Variants in CLSTN2 observed in about 807,000 individuals in gnomAD.
The protein encoded by CLSTN2 is calsyntenin-2.
A neutral mutation model predicts 101.2 loss-of-function variants in CLSTN2; 48 were observed. The observed-to-expected ratio is 0.47, with a 90% CI of 0.38 to 0.60. The LOEUF (loss-of-function observed/expected upper bound fraction) is 0.60, where lower values mean the gene tolerates loss of function less well. CLSTN2 is among the 20% of genes least tolerant of loss of function. CLSTN2 has a pLI of 0.00. For missense variants in CLSTN2, 1,160 were observed against 1,238.2 expected (o/e 0.94, Z 0.95); for synonymous variants, 481 against 463.6 (o/e 1.04, Z -0.48).
intron 1 of CLSTN2, among the ~76,000 whole-genome samples, chr3:140,060,668 G>A (rs946089022): frequency 2.0e-5 from 3 of 152,184 alleles, no homozygotes; most frequent in African/African-American, 7.2e-5. Flanking sequence ...GCCCTGTAAT[G>A]TCTGGGCCCA....
chr3:140,449,467 T>C lies in CLSTN2; in HGVS notation c.973+763T>C, dbSNP rs191142290. ...ACAAGTGAGGGTGAGGGGCTTAAGA[T>C]ACAGGATTTCTCTAATGAAGGAGGT... On this transcript the variant is annotated intron_variant, in intron 6 of 16. Transcript: ENST00000458420. 6.6e-5 allele frequency: 10 copies of C among 152,246 alleles called. No individual in the cohort carries two copies. In the East Asian group the frequency reaches 1.7e-3, roughly 26 times the overall value. 9.4% of individuals were successfully genotyped at this position (152,246 alleles called of 1,614,324 possible).
At chr3:140,378,578 C>T (rs1403656992) in intron 2 of CLSTN2, among the ~76,000 whole-genome samples, 1 of 152,202 alleles carries the variant, frequency 6.6e-6, no homozygotes. Flanking sequence ...GGACCCGAGA[C>T]CTAGGCTTAC....
rs373342181 is a variant in CLSTN2, at chr3:140,146,967, C to G, written c.110-28984C>G. ...GTTTCAAACACTGGATATACAGAGACAATACAACCAGCTGGCACCATGAAA... is the reference window on the plus strand; with the variant it reads ...GTTTCAAACACTGGATATACAGAGAGAATACAACCAGCTGGCACCATGAAA... On this transcript the variant is annotated intron_variant, in intron 1 of 16. Coordinates refer to ENST00000458420, the MANE Select transcript of CLSTN2 (RefSeq NM_022131.3). 5.3e-5 allele frequency among the ~76,000 whole-genome samples: 8 copies of G among 152,266 alleles called. No homozygotes were observed. In the East Asian group the frequency reaches 1.5e-3, roughly 29 times the overall value.
intron 2 of CLSTN2, among the ~76,000 whole-genome samples, chr3:140,213,192 C>T (rs1315447371): frequency 5.9e-5 from 9 of 152,144 alleles, no homozygotes; most frequent in African/African-American, 1.9e-4. Context: ...CACCTTCAGT[C>T]CCAGGATCCT....
chr3:140,086,991 C>CT (rs11435126), intron 1 of CLSTN2, among the ~76,000 whole-genome samples: 23,074 of 152,174 alleles, frequency 0.15, 2,106 homozygotes, highest in East Asian at 0.32. Context: ...ACTTAAATAT[C>CT]TGCCTGAGAT....
intron 2 of CLSTN2, among the ~76,000 whole-genome samples, chr3:140,311,874 A>AATCACC (rs1344075391): frequency 1.1e-4 from 17 of 152,110 alleles, no homozygotes; most frequent in Admixed American, 9.8e-4. Flanking sequence ...TTTGCTAATG[A>AATCACC]ATCACCCAGG....
intron 9 of CLSTN2, among the ~76,000 whole-genome samples, chr3:140,544,535 C>T (rs566297716): frequency 6.6e-6 from 1 of 152,280 alleles, no homozygotes; most frequent in Non-Finnish European, 1.5e-5. Context: ...TGTGACCCAG[C>T]ACCAGGAATC....
intron 1 of CLSTN2, among the ~76,000 whole-genome samples, chr3:140,043,907 A>G (rs565524413): frequency 2.2e-4 from 33 of 152,334 alleles, no homozygotes; most frequent in South Asian, 4.1e-4. Context: ...TACCAGTACC[A>G]TGCTGTTTTG....
chr3:140,257,536 T>G (rs370208431), intron 2 of CLSTN2, among the ~76,000 whole-genome samples: 1 of 150,678 alleles, frequency 6.6e-6, no homozygotes, highest in East Asian at 1.9e-4. Context: ...GCACTGTTAG[T>G]ATTCCCTGCC....
At chr3:140,254,684 T>G (rs924139136) in intron 2 of CLSTN2, among the ~76,000 whole-genome samples, 1 of 152,120 alleles carries the variant, frequency 6.6e-6, no homozygotes, top group Non-Finnish European at 1.5e-5. Flanking sequence ...CAACTCAAAA[T>G]GGATTAAAGA....
At chr3:140,251,158 C>T (rs1299989673) in intron 2 of CLSTN2, among the ~76,000 whole-genome samples, 1 of 152,106 alleles carries the variant, frequency 6.6e-6, no homozygotes, top group Admixed American at 6.6e-5. Flanking sequence ...TCCTTGTAGA[C>T]ATCTCTATTT....
At chr3:140,184,118 A>G (rs1005359982) in intron 2 of CLSTN2, among the ~76,000 whole-genome samples, 1 of 152,122 alleles carries the variant, frequency 6.6e-6, no homozygotes, top group East Asian at 1.9e-4. Flanking sequence ...GCTGTTCTGT[A>G]TGGTGACTTT....
intron 1 of CLSTN2, among the ~76,000 whole-genome samples, chr3:140,138,072 T>G (rs2009641815): frequency 6.6e-6 from 1 of 152,128 alleles, no homozygotes; most frequent in Admixed American, 6.6e-5. Context: ...GTAAGGAGTC[T>G]CCTTTCCCTA....
At chr3:140,470,605 C>G (rs1008768557) in intron 8 of CLSTN2, among the ~76,000 whole-genome samples, 20 of 152,156 alleles carry the variant, frequency 1.3e-4, no homozygotes, top group Non-Finnish European at 2.1e-4. Context: ...CATTAAACCC[C>G]AAGTGGCTTT....
At chr3:140,438,302 T>C (rs2088708759) in intron 5 of CLSTN2, among the ~76,000 whole-genome samples, 1 of 151,890 alleles carries the variant, frequency 6.6e-6, no homozygotes, top group Admixed American at 6.6e-5. Flanking sequence ...TATCAGTGTA[T>C]TCAACAGACT....
rs750431767 is a variant in CLSTN2, at chr3:140,546,629, G to T, written c.1622G>T (p.Cys541Phe). The T allele has an allele frequency of 1.2e-6, 2 of 1,613,854 alleles. No individual in the cohort carries two copies. Among genetic ancestry groups the T allele is most frequent in the Non-Finnish European group, 1.7e-6 (2 of 1,179,982 alleles). ...AAGGTGATCTCCTGCCTGCAGGCCT[G>T]CAAGGAAGGGCTGGACATTAATTCC... is the stretch of plus-strand genomic sequence containing the variant. ...SQKVISCLQA[C>F]KEGLDINSLE... is the part of the protein sequence containing the mutation. Residue 541 changes from cysteine (C) to phenylalanine (F), a missense_variant, in exon 10 of 17, where the codon TGC (cysteine) becomes TTC (phenylalanine). Transcript: ENST00000458420.
At chr3:140,190,225 ATGT>A (rs1429258176) in intron 2 of CLSTN2, among the ~76,000 whole-genome samples, 1 of 152,122 alleles carries the variant, frequency 6.6e-6, no homozygotes, top group Admixed American at 6.6e-5. Flanking sequence ...CATAGCAGGC[ATGT>A]TGTATGGGTC....
At chr3:140,261,904 T>A (rs1371886690) in intron 2 of CLSTN2, among the ~76,000 whole-genome samples, 2 of 152,178 alleles carry the variant, frequency 1.3e-5, no homozygotes, top group African/African-American at 4.8e-5. Flanking sequence ...TGGCTTATCT[T>A]AGCTACCAAA....
In CLSTN2 at chr3:140,003,573, A is replaced by G. The variant is rs148471243; in HGVS notation, c.109+68090A>G. ...TAGGACTTCCAGTACTATGTTGAATAACAGTGGTAAAAGTGGGCATCCTTG... is the reference window on the plus strand; with the variant it reads ...TAGGACTTCCAGTACTATGTTGAATGACAGTGGTAAAAGTGGGCATCCTTG... On this transcript the variant is annotated intron_variant, in intron 1 of 16. Coordinates refer to ENST00000458420, the MANE Select transcript of CLSTN2 (RefSeq NM_022131.3). 4.1e-4 allele frequency among the ~76,000 whole-genome samples: 62 copies of G among 152,282 alleles called. No individual in the cohort carries two copies. The East Asian group carries it at 0.012, about 29-fold the overall frequency.
Sources: gnomAD v4.1 joint callset for allele counts (sites outside exome capture counted in the v4.1 genomes callset) on GRCh38, gnomAD v4.1.1 for gene constraint, MANE v1.5 for transcripts, NCBI Gene and HGNC (gene_info 2026-07-23, HGNC 2026-07-21) for gene names.